The following RNF111 variants were observed in gnomAD, a reference collection of about 807,000 sequenced individuals.
RNF111 encodes ring finger protein 111, also known as E3 ubiquitin-protein ligase Arkadia.
RNF111 carries 17 observed loss-of-function variants against 95.1 expected under a neutral mutation model. The ratio of observed to expected loss-of-function variants is 0.18; its 90% CI spans 0.12 to 0.27. The LOEUF (loss-of-function observed/expected upper bound fraction) is 0.27. Ranked by LOEUF, RNF111 falls within the 10% of genes least tolerant of loss-of-function variation. The pLI is 1.00. For synonymous variants in RNF111, 440 were observed against 414.8 expected (o/e 1.06, Z -0.74); for missense variants, 1,189 against 1,210.4 (o/e 0.98, Z 0.26).
chr15:59,085,639 T>C lies in RNF111; in HGVS notation c.2424-20T>C, dbSNP rs201792467. 7.1e-5 allele frequency: 115 copies of C among 1,609,564 alleles called. No homozygotes were observed. The highest frequency in any genetic ancestry group is 3.4e-4 in the South Asian group (31 of 90,220). ...AAAGAGACCCTAAGGAGGATTAAACTGTTCTCATCCTTTCGTTAGGGAACT... is the reference window on the plus strand; with the variant it reads ...AAAGAGACCCTAAGGAGGATTAAACCGTTCTCATCCTTTCGTTAGGGAACT... On this transcript the variant is annotated intron_variant, in intron 9 of 13. Transcript: ENST00000348370.
chr15:59,087,906 G>A (rs1246989133), intron 10 of RNF111, among the ~76,000 whole-genome samples: 6 of 152,182 alleles, frequency 3.9e-5, no homozygotes, highest in Non-Finnish European at 7.3e-5. Flanking sequence ...GGTCTTTTGT[G>A]TCAGAATGGT....
chr15:59,072,715 G>A (rs1288196318), intron 6 of RNF111, among the ~76,000 whole-genome samples: 2 of 151,734 alleles, frequency 1.3e-5, no homozygotes, highest in African/African-American at 4.8e-5. Context: ...GCCTCCCAAA[G>A]TGCTGGGATT....
At chr15:59,082,193 A>G (rs1318739545) in intron 8 of RNF111, among the ~76,000 whole-genome samples, 1 of 152,220 alleles carries the variant, frequency 6.6e-6, no homozygotes, top group Non-Finnish European at 1.5e-5. Flanking sequence ...TGAAAAAACA[A>G]GTTTATACCA....
intron 1 of RNF111, among the ~76,000 whole-genome samples, chr15:58,994,662 G>A (rs1302037706): frequency 6.6e-6 from 1 of 151,600 alleles, no homozygotes; most frequent in Non-Finnish European, 1.5e-5. Context: ...ATTTTAGTTA[G>A]AGACGAGGTT....
rs1189748185 is a variant in RNF111 at position 59,070,029 on chromosome 15, C to CTTT, written c.1686+2974_1686+2976dup. 1.3e-3 allele frequency among the ~76,000 whole-genome samples: 30 copies of CTTT among 22,684 alleles called. 1 individual carries two copies. The highest frequency in any genetic ancestry group is 5.9e-3 in the African/African-American group (25 of 4,272). 14.9% of individuals were successfully genotyped at this position (22,684 alleles called of 152,430 possible). The stretch of plus-strand genomic sequence containing the variant: ...CCCCCCAACCCCACCCCACCTCCTG[C>CTTT]TTTTTTTTTTTTTTTTTTTTTTTTT... On this transcript the variant is annotated intron_variant, in intron 6 of 13. Transcript: ENST00000348370.
At chr15:59,088,275 AAGGCTGGAGGAAAGAGACT>A (rs2078953652) in intron 10 of RNF111, among the ~76,000 whole-genome samples, 1 of 152,142 alleles carries the variant, frequency 6.6e-6, no homozygotes, top group African/African-American at 2.4e-5. Context: ...CTCATCCATA[AAGGCTGGAGGAAAGAGACT>A]AGGGAGGAGA....
At chr15:59,062,055 T>C (rs1421642031) in intron 5 of RNF111, among the ~76,000 whole-genome samples, 2 of 149,480 alleles carry the variant, frequency 1.3e-5, no homozygotes, top group African/African-American at 4.9e-5. Context: ...AAACTTCTTT[T>C]TTTTTTTTTT....
chr15:59,053,402 T>C (rs1361181659), intron 3 of RNF111, among the ~76,000 whole-genome samples: 1 of 152,230 alleles, frequency 6.6e-6, no homozygotes, highest in Non-Finnish European at 1.5e-5. Flanking sequence ...TGAATCTTAA[T>C]TTTTGTGTTG....
intron 4 of RNF111, 75 bp from the exon 5 acceptor site, chr15:59,058,281 C>A: frequency 8.5e-7 from 1 of 1,170,966 alleles, no homozygotes. Flanking sequence ...ATTATAAACA[C>A]ATTAGCTTAC....
intron 1 of RNF111, among the ~76,000 whole-genome samples, chr15:59,027,975 G>A (rs1379318939): frequency 4.0e-5 from 6 of 151,600 alleles, no homozygotes; most frequent in Non-Finnish European, 5.9e-5. Context: ...ACAGGTGCAC[G>A]CCACCATGCC....
chr15:59,008,462 C>T (rs1019204213), intron 1 of RNF111, among the ~76,000 whole-genome samples: 4 of 152,214 alleles, frequency 2.6e-5, no homozygotes, highest in African/African-American at 9.6e-5. Context: ...AAGCAATCCT[C>T]CTGCGTCAGC....
intron 2 of RNF111, among the ~76,000 whole-genome samples, chr15:59,052,103 G>T (rs1412618870): frequency 6.6e-6 from 1 of 152,176 alleles, no homozygotes; most frequent in Admixed American, 6.5e-5. Flanking sequence ...AACATGCAAA[G>T]AAGTGTAGAT....
intron 7 of RNF111, among the ~76,000 whole-genome samples, chr15:59,076,492 CAGTT>C (rs1232884403): frequency 6.6e-6 from 1 of 152,150 alleles, no homozygotes; most frequent in East Asian, 1.9e-4. Flanking sequence ...AATTCTCAAG[CAGTT>C]AGCTGAGACA....
chr15:59,056,374 G>A (rs2042200687), intron 4 of RNF111, among the ~76,000 whole-genome samples: 1 of 152,158 alleles, frequency 6.6e-6, no homozygotes, highest in Admixed American at 6.5e-5. Flanking sequence ...TTGGAATACA[G>A]AGGTTAGGAA....
chr15:59,008,390 A>T (rs2039637381), intron 1 of RNF111, among the ~76,000 whole-genome samples: 1 of 151,566 alleles, frequency 6.6e-6, no homozygotes, highest in East Asian at 1.9e-4. Flanking sequence ...ACTAGTTTTA[A>T]AATTTTTTTG....
At chr15:59,032,470 G>A (rs1279918752) in intron 2 of RNF111, among the ~76,000 whole-genome samples, 2 of 152,096 alleles carry the variant, frequency 1.3e-5, no homozygotes, top group Non-Finnish European at 2.9e-5. Flanking sequence ...TGCTCAGGCT[G>A]GAGTATAGTG....
intron 1 of RNF111, among the ~76,000 whole-genome samples, chr15:59,011,388 T>C (rs1047137672): frequency 4.6e-5 from 7 of 152,242 alleles, no homozygotes; most frequent in Admixed American, 4.6e-4. Context: ...TTCATTCTTG[T>C]GTTTACAATA....
intron 5 of RNF111, among the ~76,000 whole-genome samples, chr15:59,061,040 A>C (rs1401152486): frequency 6.6e-6 from 1 of 152,018 alleles, no homozygotes; most frequent in Non-Finnish European, 1.5e-5. Flanking sequence ...CGAGCGATCC[A>C]CCTGCCTCAG....
intron 2 of RNF111, among the ~76,000 whole-genome samples, chr15:59,032,607 A>C (rs1237379930): frequency 6.6e-6 from 1 of 152,120 alleles, no homozygotes; most frequent in Non-Finnish European, 1.5e-5. Flanking sequence ...TTTTTTGTAG[A>C]GATGGGTTTT....
Sources: gnomAD v4.1 joint callset for allele counts (sites outside exome capture counted in the v4.1 genomes callset) on GRCh38, gnomAD v4.1.1 for gene constraint, MANE v1.5 for transcripts, NCBI Gene and HGNC (gene_info 2026-07-23, HGNC 2026-07-21) for gene names.